SYT1: variants seen among roughly 807,000 people sequenced by gnomAD.
SYT1 encodes the protein synaptotagmin-1.
A neutral mutation model predicts 44.8 loss-of-function variants in SYT1; 8 were observed. That is an observed-to-expected ratio of 0.18 (90% confidence interval 0.10 to 0.32). The LOEUF (loss-of-function observed/expected upper bound fraction) is 0.32. SYT1 is among the 10% of genes least tolerant of loss of function. The pLI is 1.00. For synonymous variants in SYT1, 154 were observed against 188.8 expected (o/e 0.82, Z 1.51); for missense variants, 286 against 509.3 (o/e 0.56, Z 4.22).
At chr12:79,414,300 G>C (rs1161981327) in intron 9 of SYT1, among the ~76,000 whole-genome samples, 1 of 152,148 alleles carries the variant, frequency 6.6e-6, no homozygotes, top group Non-Finnish European at 1.5e-5. Flanking sequence ...TTTTGGTGAA[G>C]CCGGAGTATG....
intron 2 of SYT1, among the ~76,000 whole-genome samples, chr12:79,026,078 T>C (rs1872511812): frequency 6.6e-6 from 1 of 151,754 alleles, no homozygotes; most frequent in South Asian, 2.1e-4. Flanking sequence ...GTTAATTTTA[T>C]GCATCATTTA....
Position 78,925,331 on chromosome 12 carries a change from C to T in SYT1, c.-216-52468C>T, listed in dbSNP as rs1284271339. Among the ~76,000 whole-genome samples, 9 of 152,064 alleles carry T rather than the reference C, an allele frequency of 5.9e-5. No individual in the cohort carries two copies. In the East Asian group the frequency reaches 1.5e-3, roughly 26 times the overall value. On this transcript the variant is annotated intron_variant, in intron 1 of 10. Transcript: ENST00000261205. ...AATCTAGGAATCTGAGCAAAAGCTA[C>T]TCACTAGAATTGAATATTTGTTCAG...
At chr12:79,136,788 C>A (rs926392244) in intron 3 of SYT1, among the ~76,000 whole-genome samples, 1 of 152,032 alleles carries the variant, frequency 6.6e-6, no homozygotes, top group Non-Finnish European at 1.5e-5. Flanking sequence ...AGAAAAAAAT[C>A]ATTTCTCTTG....
chr12:79,007,639 A>G (rs1253669937), intron 2 of SYT1, among the ~76,000 whole-genome samples: 1 of 152,156 alleles, frequency 6.6e-6, no homozygotes, highest in Non-Finnish European at 1.5e-5. Context: ...TAATTTGGGA[A>G]TGGAGGACAA....
chr12:79,333,317 G>C (rs1881942624), intron 8 of SYT1, among the ~76,000 whole-genome samples: 2 of 152,048 alleles, frequency 1.3e-5, no homozygotes, highest in South Asian at 4.1e-4. Flanking sequence ...ATTCTCTCTG[G>C]CCTCTTTTAC....
intron 8 of SYT1, among the ~76,000 whole-genome samples, chr12:79,334,831 C>T (rs557180943): frequency 8.3e-4 from 127 of 152,220 alleles, no homozygotes; most frequent in Non-Finnish European, 1.1e-3. Context: ...TCACCTTTTC[C>T]AAAAGCCTGT....
chr12:79,267,846 G>A (rs1315947729), intron 4 of SYT1, among the ~76,000 whole-genome samples: 1 of 152,184 alleles, frequency 6.6e-6, no homozygotes, highest in African/African-American at 2.4e-5. Flanking sequence ...ATCTCTGCCT[G>A]AAGACCCATC....
chr12:79,012,786 A>G (rs1871503029), intron 2 of SYT1, among the ~76,000 whole-genome samples: 1 of 152,110 alleles, frequency 6.6e-6, no homozygotes, highest in Admixed American at 6.5e-5. Flanking sequence ...CTCTTTCCGG[A>G]CTGCCACTGC....
chr12:79,009,052 A>G (rs1871263106), intron 2 of SYT1, among the ~76,000 whole-genome samples: 1 of 152,210 alleles, frequency 6.6e-6, no homozygotes, highest in South Asian at 2.1e-4. Context: ...GTGGCCTTCC[A>G]TCAAATTTAA....
At chr12:79,066,982 T>A (rs1192062950) in intron 3 of SYT1, among the ~76,000 whole-genome samples, 2 of 152,180 alleles carry the variant, frequency 1.3e-5, no homozygotes, top group African/African-American at 2.4e-5. Flanking sequence ...ACACATTACA[T>A]GAATGTTACT....
At chr12:79,180,476 C>CTT (rs202143529) in intron 3 of SYT1, among the ~76,000 whole-genome samples, 11 of 80,220 alleles carry the variant, frequency 1.4e-4, no homozygotes, top group African/African-American at 5.6e-4. Flanking sequence ...AATTTATTTT[C>CTT]TTTTTTTTTT....
chr12:78,995,853 C>T (rs1435594604), intron 2 of SYT1: 1 of 152,140 alleles, frequency 6.6e-6, no homozygotes, highest in Non-Finnish European at 1.5e-5. Flanking sequence ...AACATGTAAG[C>T]AATCCTCAAT....
chr12:79,407,493 C>G (rs1885285340), intron 9 of SYT1, among the ~76,000 whole-genome samples: 1 of 152,012 alleles, frequency 6.6e-6, no homozygotes, highest in Non-Finnish European at 1.5e-5. Flanking sequence ...GGCATGAAGT[C>G]AAAGAAAAGT....
intron 2 of SYT1, among the ~76,000 whole-genome samples, chr12:79,031,435 A>G (rs1008762034): frequency 4.0e-5 from 6 of 151,140 alleles, no homozygotes; most frequent in Admixed American, 3.3e-4. Flanking sequence ...ATAAAGAAAC[A>G]TGAACAATGT....
At chr12:79,179,902 C>G (rs1343036631) in intron 3 of SYT1, among the ~76,000 whole-genome samples, 1 of 151,996 alleles carries the variant, frequency 6.6e-6, no homozygotes, top group Non-Finnish European at 1.5e-5. Context: ...TAGAGATACA[C>G]TTTATTCTTT....
chr12:78,998,039 G>A (rs1344918958), intron 2 of SYT1, among the ~76,000 whole-genome samples: 1 of 152,114 alleles, frequency 6.6e-6, no homozygotes, highest in Non-Finnish European at 1.5e-5. Context: ...CCCCAGATCA[G>A]GTTTTGGTAG....
Position 79,319,219 on chromosome 12 carries a change from A to G in SYT1, c.810+19668A>G, listed in dbSNP as rs1277071763. Among the ~76,000 whole-genome samples, 3 of 152,184 alleles carry G rather than the reference A, an allele frequency of 2.0e-5. No homozygotes were observed. In the East Asian group the frequency reaches 5.8e-4, roughly 29 times the overall value. On this transcript the variant is annotated intron_variant, in intron 8 of 10. Transcript: ENST00000261205. ...GTAAACAGTGCTCTCTATTTCCTGG[A>G]AAATCACGTATAGTGCAAATTTACC... is the stretch of plus-strand genomic sequence containing the variant.
At chr12:79,318,320 G>A (rs958326310) in intron 8 of SYT1, among the ~76,000 whole-genome samples, 2 of 152,088 alleles carry the variant, frequency 1.3e-5, no homozygotes, top group African/African-American at 2.4e-5. Context: ...TTTTGTCTCC[G>A]GGGCCTTTTC....
intron 8 of SYT1, among the ~76,000 whole-genome samples, chr12:79,318,676 C>A (rs1218338154): frequency 6.6e-6 from 1 of 152,222 alleles, no homozygotes; most frequent in Non-Finnish European, 1.5e-5. Context: ...CTGCTCTTCA[C>A]TTTAAGCTGT....
Sources: gnomAD v4.1 joint callset for allele counts (sites outside exome capture counted in the v4.1 genomes callset) on GRCh38, gnomAD v4.1.1 for gene constraint, MANE v1.5 for transcripts, NCBI Gene and HGNC (gene_info 2026-07-23, HGNC 2026-07-21) for gene names.